The following SEMA3A variants were observed in gnomAD, a reference collection of about 807,000 sequenced individuals.
SEMA3A encodes the protein semaphorin-3A.
In SEMA3A, 29 loss-of-function variants were observed where a neutral mutation model predicts 97.9. That is an observed-to-expected ratio of 0.30 (90% CI 0.22 to 0.40). The LOEUF is 0.40. Ranked by LOEUF, SEMA3A falls within the 10% of genes least tolerant of loss-of-function variation. SEMA3A has a pLI of 1.00. For synonymous variants in SEMA3A, 321 were observed against 323.7 expected, an observed-to-expected ratio of 0.99 and a Z score of 0.09; for missense variants, 763 against 951.3, an observed-to-expected ratio of 0.80 and a Z score of 2.60.
In SEMA3A at chr7:84,090,589, A is replaced by C. The variant is rs118089158; in HGVS notation, c.453+19881T>G. Among the ~76,000 whole-genome samples the C allele has an allele frequency of 5.7e-3, 874 of 152,334 alleles. 7 individuals carry two copies. Among genetic ancestry groups the C allele is most frequent in the Non-Finnish European group, 9.2e-3 (629 of 68,032 alleles). On this transcript the variant is annotated intron_variant, in intron 4 of 16. Transcript: ENST00000265362. ...TTATGTGTGGAAGAAATGAAAATAA[A>C]TAAAAGGGGAACCAAATGTATGCTT...
chr7:84,336,160 T>G (rs1278037919), intron 2 of SEMA3A, among the ~76,000 whole-genome samples: 1 of 152,126 alleles, frequency 6.6e-6, no homozygotes, highest in Non-Finnish European at 1.5e-5. Flanking sequence ...CATTTAAATA[T>G]TACAATGACT....
At chr7:84,211,386 G>A (rs1798621433) in intron 3 of SEMA3A, among the ~76,000 whole-genome samples, 1 of 151,956 alleles carries the variant, frequency 6.6e-6, no homozygotes, top group Admixed American at 6.6e-5. Context: ...CAAGGCGGGT[G>A]GATCATCTGA....
intron 3 of SEMA3A, among the ~76,000 whole-genome samples, chr7:84,210,506 A>G (rs1190739213): frequency 6.6e-6 from 1 of 152,206 alleles, no homozygotes; most frequent in Non-Finnish European, 1.5e-5. Flanking sequence ...GCAAATAAAT[A>G]GGAGAGAAAA....
rs188525354 is a variant in SEMA3A, at chr7:84,002,102, G to C, written c.1361-56C>G. The C allele has an allele frequency of 3.4e-4, 314 of 935,624 alleles. No individual in the cohort carries two copies. The African/African-American group carries it at 4.8e-3, about 14-fold the overall frequency. The allele number at this position is 935,624 out of a possible 1,614,324, so 58.0% of individuals were successfully genotyped here. The stretch of plus-strand genomic sequence containing the variant: ...GTTAAGTAGATCTGAACAGAGATTA[G>C]TGTTAATGAATGAAATATGTATTTG... On this transcript the variant is annotated intron_variant, in intron 11 of 16. Coordinates refer to ENST00000265362, the MANE Select transcript of SEMA3A (RefSeq NM_006080.3).
At chr7:84,382,146 C>T (rs998018393) in intron 1 of SEMA3A, among the ~76,000 whole-genome samples, 8 of 152,172 alleles carry the variant, frequency 5.3e-5, no homozygotes, top group African/African-American at 1.4e-4. Flanking sequence ...CTCGCTCTGT[C>T]GCCCAGACTA....
At chr7:84,179,942 A>G (rs1025746645) in intron 1 of SEMA3A, among the ~76,000 whole-genome samples, 1 of 144,112 alleles carries the variant, frequency 6.9e-6, no homozygotes, top group Non-Finnish European at 1.5e-5. Context: ...TGTTTAGTCA[A>G]TGCATCTCTG....
rs1350037007 is a variant in SEMA3A, at chr7:84,453,721, T to C, written c.-246+38739A>G. Reference sequence around the variant, plus strand: ...TCTATCGTGTACATTATCTCAGTAATAAGTACTCTGTAACTTATTAAGAAT... The same window carrying C: ...TCTATCGTGTACATTATCTCAGTAACAAGTACTCTGTAACTTATTAAGAAT... On this transcript the variant is annotated intron_variant, in intron 1 of 3. Transcript: ENST00000424555. 3.3e-5 allele frequency among the ~76,000 whole-genome samples: 5 copies of C among 152,312 alleles called. No individual in the cohort carries two copies. In the East Asian group the frequency reaches 9.6e-4, roughly 29 times the overall value.
At chr7:84,346,832 G>A (rs921001672) in intron 2 of SEMA3A, among the ~76,000 whole-genome samples, 3 of 152,164 alleles carry the variant, frequency 2.0e-5, no homozygotes, top group South Asian at 2.1e-4. Flanking sequence ...GGTGCCAAAC[G>A]TTGCTTAACG....
intron 1 of SEMA3A, among the ~76,000 whole-genome samples, chr7:84,393,892 A>C (rs1247073028): frequency 6.6e-6 from 1 of 152,126 alleles, no homozygotes; most frequent in African/African-American, 2.4e-5. Context: ...TCTTGCCCCA[A>C]GACAATTTAC....
At position 84,405,661 on chromosome 7, in the gene SEMA3A, C is replaced by A. The variant is rs577564386; in HGVS notation, c.-245-33761G>T. 9.5e-4 allele frequency among the ~76,000 whole-genome samples: 144 copies of A among 152,270 alleles called. 1 individual carries two copies. Among genetic ancestry groups the A allele is most frequent in the Middle Eastern group, 3.4e-3 (1 of 294 alleles). ...TAGTTGGAAGTAAAGCACTCCTCAG[C>A]AAATGTAAAAGAACAGAAATTATAG... is the stretch of plus-strand genomic sequence containing the variant. On this transcript the variant is annotated intron_variant, in intron 1 of 3. Transcript: ENST00000424555.
At chr7:84,082,057 A>G (rs562338036) in intron 4 of SEMA3A, among the ~76,000 whole-genome samples, 13 of 152,172 alleles carry the variant, frequency 8.5e-5, no homozygotes, top group Non-Finnish European at 1.3e-4. Context: ...ACTACAGGGA[A>G]CAAGGTTAAG....
At chr7:84,412,032 C>A (rs1352031172) in intron 1 of SEMA3A, among the ~76,000 whole-genome samples, 1 of 152,130 alleles carries the variant, frequency 6.6e-6, no homozygotes, top group East Asian at 1.9e-4. Flanking sequence ...TCCTAAGACA[C>A]CTATAGTGAC....
At chr7:83,977,907 C>A (rs1293998829) in intron 14 of SEMA3A, among the ~76,000 whole-genome samples, 2 of 151,324 alleles carry the variant, frequency 1.3e-5, no homozygotes, top group Admixed American at 6.6e-5. Context: ...GGGTTCATGC[C>A]ATTCTCCTGC....
At chr7:84,134,669 GA>G in intron 2 of SEMA3A, 124 bp downstream of exon 2, 1 of 675,646 alleles carries the variant, frequency 1.5e-6, no homozygotes, top group Non-Finnish European at 2.3e-6. Context: ...ATTTGCATCA[GA>G]AAAGACAAAC....
intron 1 of SEMA3A, among the ~76,000 whole-genome samples, chr7:84,440,777 C>G (rs1315921180): frequency 6.6e-6 from 1 of 152,132 alleles, no homozygotes; most frequent in African/African-American, 2.4e-5. Flanking sequence ...CAGGGAATCT[C>G]TTTTCTAGTT....
At chr7:84,262,974 G>A (rs956763654) in intron 3 of SEMA3A, among the ~76,000 whole-genome samples, 6 of 152,128 alleles carry the variant, frequency 3.9e-5, no homozygotes, top group African/African-American at 1.4e-4. Flanking sequence ...GTTTTTGGAA[G>A]AAGTGAAAGG....
At chr7:84,423,456 C>T (rs1451549933) in intron 1 of SEMA3A, among the ~76,000 whole-genome samples, 2 of 152,024 alleles carry the variant, frequency 1.3e-5, no homozygotes, top group Admixed American at 1.3e-4. Flanking sequence ...GAGGGTCCTC[C>T]CTCACGTATT....
In SEMA3A at chr7:83,961,834, GT is replaced by G. The variant is rs777937452; in HGVS notation, c.1861-9del. On this transcript the variant is annotated splice_polypyrimidine_tract_variant and intron_variant, in intron 16 of 16. Coordinates refer to ENST00000265362, the MANE Select transcript of SEMA3A (RefSeq NM_006080.3). ...ATGATCATCCACTCTGATCTAGCAG[GT>G]TAAAAAAAAGGCAGTGTAAAATATA... The G allele has an allele frequency of 6.3e-7, 1 of 1,599,954 alleles. No homozygotes were observed. The highest frequency in any genetic ancestry group is 1.3e-5 in the African/African-American group (1 of 74,112).
At chr7:84,445,869 T>C (rs898735231) in intron 1 of SEMA3A, among the ~76,000 whole-genome samples, 1 of 147,916 alleles carries the variant, frequency 6.8e-6, no homozygotes, top group Non-Finnish European at 1.5e-5. Context: ...GAAAACAAAA[T>C]AGAAAAGATA....
Sources: gnomAD v4.1 joint callset for allele counts (sites outside exome capture counted in the v4.1 genomes callset) on GRCh38, gnomAD v4.1.1 for gene constraint, MANE v1.5 for transcripts, NCBI Gene and HGNC (gene_info 2026-07-23, HGNC 2026-07-21) for gene names.